The following IL2RB variants were observed in gnomAD, a reference collection of about 807,000 sequenced individuals.
IL2RB encodes interleukin-2 receptor subunit beta.
In IL2RB, 17 loss-of-function variants were observed where a neutral mutation model predicts 44.2. The observed-to-expected ratio is 0.38, with a 90% CI of 0.26 to 0.58. IL2RB has a LOEUF of 0.58. Among genes scored for constraint, IL2RB ranks in the 20% least tolerant of loss-of-function variants. The pLI, the probability that IL2RB is intolerant of heterozygous loss-of-function variation, is 0.63. For synonymous variants in IL2RB, 286 were observed against 297.9 expected, an observed-to-expected ratio of 0.96 and a Z score of 0.41; for missense variants, 624 against 685.5, an observed-to-expected ratio of 0.91 and a Z score of 1.00.
upstream of IL2RB, among the ~76,000 whole-genome samples, chr22:37,154,522 A>T (rs185783387): frequency 3.3e-5 from 5 of 151,632 alleles, no homozygotes; most frequent in Non-Finnish European, 7.4e-5. Flanking sequence ...CCTAAAAAAA[A>T]TCTCACCTAT....
At chr22:37,131,374 C>A (rs967046824) in intron 9 of IL2RB, among the ~76,000 whole-genome samples, 2 of 152,090 alleles carry the variant, frequency 1.3e-5, no homozygotes, top group East Asian at 1.9e-4. Context: ...CCCCACCCCC[C>A]AATCTTGGGA....
chr22:37,165,536 G>C (rs774860028), intron 1 of IL2RB, among the ~76,000 whole-genome samples: 1 of 152,160 alleles, frequency 6.6e-6, no homozygotes, highest in African/African-American at 2.4e-5. Flanking sequence ...CCCTCAAGGA[G>C]CCCAGAGTTT....
intron 1 of IL2RB, among the ~76,000 whole-genome samples, chr22:37,147,606 G>C (rs1174591708): frequency 6.6e-6 from 1 of 152,258 alleles, no homozygotes; most frequent in Non-Finnish European, 1.5e-5. Context: ...AACACAGTAA[G>C]AGGTGGAGCT....
At chr22:37,142,596 G>T in intron 3 of IL2RB, 84 bp from the exon 4 acceptor site, 1 of 1,390,080 alleles carries the variant, frequency 7.2e-7, no homozygotes, top group Non-Finnish European at 1.0e-6. Flanking sequence ...TCTCTCTGCT[G>T]CCAGGATGGC....
At chr22:37,142,602 A>C in intron 3 of IL2RB, 90 bp from the exon 4 acceptor site, 1 of 1,347,460 alleles carries the variant, frequency 7.4e-7, no homozygotes, top group Non-Finnish European at 1.1e-6. Context: ...TGCTGCCAGG[A>C]TGGCACCAGG....
At chr22:37,160,484 A>G (rs1922820425) in intron 1 of IL2RB, among the ~76,000 whole-genome samples, 1 of 152,140 alleles carries the variant, frequency 6.6e-6, no homozygotes, top group Non-Finnish European at 1.5e-5. Context: ...ACAGGTGGGG[A>G]CCATGGCACA....
intron 1 of IL2RB, among the ~76,000 whole-genome samples, chr22:37,145,803 C>T (rs968882291): frequency 1.3e-5 from 2 of 152,068 alleles, no homozygotes; most frequent in African/African-American, 4.8e-5. Context: ...TCTTCCATCT[C>T]GAGAGCTTCC....
Position 37,136,238 on chromosome 22 carries a change from T to C in IL2RB, c.693A>G (p.Thr231=), listed in dbSNP as rs940154511. Residue 231 remains threonine, a synonymous_variant, in exon 7 of 10, where the codon ACA becomes ACG. Coordinates refer to ENST00000216223, the MANE Select transcript of IL2RB (RefSeq NM_000878.5). ...GCCGCCCACCAGTACCTGCAGGCTT[T>C]GTCCTGAAGGCCAGGGGCTGGCTCC... is the stretch of plus-strand genomic sequence containing the variant. ...SPWSQPLAFR[T]KPAALGKDTI... The C allele has an allele frequency of 6.2e-6, 10 of 1,610,636 alleles. No homozygotes were observed. Among genetic ancestry groups the C allele is most frequent in the African/African-American group, 2.7e-5 (2 of 74,892 alleles).
At chr22:37,151,286 T>C (rs1922476393), upstream of IL2RB, among the ~76,000 whole-genome samples, 3 of 152,362 alleles carry the variant, frequency 2.0e-5, no homozygotes, top group South Asian at 6.2e-4. Flanking sequence ...GGTGAGATAA[T>C]ATCTCATTGT....
rs576077710 is a variant in IL2RB, at chr22:37,128,311, C to A, written c.1441G>T (p.Asp481Tyr). Residue 481 changes from aspartate to tyrosine, a missense_variant, in exon 10 of 10, where the codon GAC (aspartate) becomes TAC (tyrosine). Asp to Tyr is a radical substitution (Grantham distance 160). Transcript: ENST00000216223. This position sits in a 1 kb window ranked among gnomAD's most constrained non-coding sequence, Gnocchi z 4.5. ...PLGPPTPGVP[D>Y]LVDFQPPPEL... ...GGGGGTGGCTGAAAATCCACCAGGTCTGGGACTCCTGGGGTGGGAGGCCCC... is the reference window on the plus strand; with the variant it reads ...GGGGGTGGCTGAAAATCCACCAGGTATGGGACTCCTGGGGTGGGAGGCCCC... 6.0e-6 allele frequency: 9 copies of A among 1,502,942 alleles called. No homozygotes were observed. The African/African-American group carries it at 8.4e-5, about 14-fold the overall frequency. 93.1% of individuals were successfully genotyped at this position (1,502,942 alleles called of 1,614,324 possible).
At chr22:37,167,891 A>G (rs1415057154) in intron 1 of IL2RB, among the ~76,000 whole-genome samples, 2 of 152,178 alleles carry the variant, frequency 1.3e-5, no homozygotes, top group Non-Finnish European at 2.9e-5. Context: ...GGAGGAAGGG[A>G]AGGGGTGCGG....
intron 1 of IL2RB, among the ~76,000 whole-genome samples, chr22:37,168,230 G>C (rs1923145547): frequency 6.6e-6 from 1 of 152,154 alleles, no homozygotes; most frequent in African/African-American, 2.4e-5. Flanking sequence ...AAAGTAACAA[G>C]ACAGAAAAAA....
At chr22:37,149,270 G>A (rs1339861159) in intron 1 of IL2RB, among the ~76,000 whole-genome samples, 1 of 152,160 alleles carries the variant, frequency 6.6e-6, no homozygotes, top group Non-Finnish European at 1.5e-5. Flanking sequence ...TCAAACCCAG[G>A]GCTCTGCCTC....
At chr22:37,159,191 G>C (rs1922775799) in intron 1 of IL2RB, among the ~76,000 whole-genome samples, 1 of 152,106 alleles carries the variant, frequency 6.6e-6, no homozygotes, top group Admixed American at 6.5e-5. Context: ...TTTGAAAAGT[G>C]TCTGTGAGAA....
chr22:37,165,700 TAA>T (rs1923048634), intron 1 of IL2RB, among the ~76,000 whole-genome samples: 1 of 150,042 alleles, frequency 6.7e-6, no homozygotes, highest in Non-Finnish European at 1.5e-5. Context: ...TAATTTAATT[TAA>T]TTTAATTTTA....
At chr22:37,172,543 C>T (rs1414595696) in intron 1 of IL2RB, among the ~76,000 whole-genome samples, 7 of 152,038 alleles carry the variant, frequency 4.6e-5, no homozygotes, top group African/African-American at 1.7e-4. Context: ...TGGGCAGTGG[C>T]GAGGGGTCCC....
intron 9 of IL2RB, among the ~76,000 whole-genome samples, chr22:37,129,510 T>G (rs1437958539): frequency 8.3e-6 from 1 of 120,360 alleles, no homozygotes; most frequent in African/African-American, 3.2e-5. Flanking sequence ...ATCAGAGCAC[T>G]TCTCAGTTGC....
At chr22:37,143,040 C>T (rs1310584350) in intron 3 of IL2RB, among the ~76,000 whole-genome samples, 1 of 152,214 alleles carries the variant, frequency 6.6e-6, no homozygotes, top group East Asian at 1.9e-4. Context: ...CACTCACTGG[C>T]CGCCTGGATG....
chr22:37,143,910 TGTGTGTGTGC>T (rs1386712551), intron 2 of IL2RB, among the ~76,000 whole-genome samples, 165 bp downstream of exon 2: 1,327 of 128,888 alleles, frequency 0.01, 17 homozygotes, highest in African/African-American at 0.05. Context: ...TGTGTGTGTG[TGTGTGTGTGC>T]GCGCATTCAT....
Sources: gnomAD v4.1 joint callset for allele counts (sites outside exome capture counted in the v4.1 genomes callset) on GRCh38, gnomAD v4.1.1 for gene constraint, Gnocchi (gnomAD v3.1) non-coding constraint, MANE v1.5 for transcripts, NCBI Gene and HGNC (gene_info 2026-07-23, HGNC 2026-07-21) for gene names.